Variants in ZC3H14 observed in about 807,000 individuals in gnomAD.
The protein encoded by ZC3H14 is zinc finger CCCH-type containing 14.
A neutral mutation model predicts 92.4 loss-of-function variants in ZC3H14; 31 were observed. That is an observed-to-expected ratio of 0.34 (90% CI 0.25 to 0.45). The LOEUF is 0.45. Among genes scored for constraint, ZC3H14 ranks in the 20% least tolerant of loss-of-function variants. The probability of loss-of-function intolerance (pLI) is 1.00; values close to 1 mark genes in which losing one functional copy is unlikely to be tolerated. For missense variants in ZC3H14, 781 were observed against 897.3 expected (o/e 0.87, Z 1.66); for synonymous variants, 321 against 300.9 (o/e 1.07, Z -0.69).
chr14:88,607,357 C>T lies in ZC3H14; in HGVS notation c.1862C>T (p.Pro621Leu), dbSNP rs1428912039. The T allele has an allele frequency of 1.5e-5, 24 of 1,610,034 alleles. No homozygotes were observed. In the Admixed American group the frequency reaches 3.8e-4, roughly 26 times the overall value. ...DECAYHHPIS[P>L]CKAFPNCKFA... ...TGTGCCTACCATCACCCCATCTCAC[C>T]CTGCAAGTGAGTACCATCCCCCCAT... is the stretch of plus-strand genomic sequence containing the variant. Residue 621 changes from proline to leucine, a missense_variant, in exon 13 of 17, where the codon CCC becomes CTC. Physicochemically the swap from Pro to Leu is moderately conservative, Grantham distance 98 (BLOSUM62 -3). Coordinates refer to ENST00000251038, the MANE Select transcript of ZC3H14 (RefSeq NM_024824.5).
Position 88,627,074 on chromosome 14 carries a change from GT to G in ZC3H14, c.*15325del. 1 of 1,606,388 alleles carries G rather than the reference GT, an allele frequency of 6.2e-7. No individual in the cohort carries two copies. The highest frequency in any genetic ancestry group is 8.5e-7 in the Non-Finnish European group (1 of 1,174,472). On this transcript the variant is annotated 3_prime_UTR_variant, in exon 17 of 17. Transcript: ENST00000251038. The stretch of plus-strand genomic sequence containing the variant: ...GACAAGATACAACAAAATTATCTAG[GT>G]TATTACAAGAACCAAGCTAATCAAC...
chr14:88,607,330 A>C lies in ZC3H14; in HGVS notation c.1835A>C (p.Glu612Ala). The change falls in exon 13 of 17, where the codon GAG (glutamate) becomes GCG (alanine). Residue 612 changes from glutamate to alanine, a missense_variant. This residue lies in a region of ZC3H14 where 221 missense variants were observed against 304.7 expected (regional missense o/e 0.73). Coordinates refer to ENST00000251038, the MANE Select transcript of ZC3H14 (RefSeq NM_024824.5). ...TGGCCTGCTTGTAAAAATGGGGATG[A>C]GTGTGCCTACCATCACCCCATCTCA... Reference protein sequence around the residue: ...KYWPACKNGDECAYHHPISPC... With the variant: ...KYWPACKNGDACAYHHPISPC... 3.7e-6 allele frequency: 6 copies of C among 1,613,842 alleles called. No homozygotes were observed. Among genetic ancestry groups the C allele is most frequent in the Non-Finnish European group, 5.1e-6 (6 of 1,179,884 alleles).
intron 2 of ZC3H14, among the ~76,000 whole-genome samples, chr14:88,565,911 G>A (rs903970523): frequency 1.3e-5 from 2 of 149,686 alleles, no homozygotes; most frequent in Non-Finnish European, 1.5e-5. Flanking sequence ...TCTGTGGTTC[G>A]GGCTGGAGTG....
intron 9 of ZC3H14, among the ~76,000 whole-genome samples, chr14:88,582,939 C>T (rs986406556): frequency 7.9e-5 from 12 of 151,992 alleles, no homozygotes; most frequent in Non-Finnish European, 1.5e-4. Flanking sequence ...TCTCTCATTT[C>T]TCTGGTGTCT....
chr14:88,567,674 TAAAAC>T (rs1411943912), intron 2 of ZC3H14, among the ~76,000 whole-genome samples: 1 of 152,174 alleles, frequency 6.6e-6, no homozygotes, highest in Admixed American at 6.5e-5. Flanking sequence ...CTTTGCAAAT[TAAAAC>T]TAAACAAAAC....
chr14:88,604,442 C>T (rs1056100131), intron 12 of ZC3H14, among the ~76,000 whole-genome samples: 1 of 152,084 alleles, frequency 6.6e-6, no homozygotes, highest in African/African-American at 2.4e-5. Flanking sequence ...CTCTGCACCA[C>T]TTCCCCTGTG....
At chr14:88,595,228 C>T (rs746095617) in intron 9 of ZC3H14, 1 of 1,520,638 alleles carries the variant, frequency 6.6e-7, no homozygotes, top group Non-Finnish European at 8.7e-7. Context: ...TTGAATTTTT[C>T]ATGGACCTTT....
At chr14:88,568,432 G>A (rs990986510) in intron 3 of ZC3H14, among the ~76,000 whole-genome samples, 2 of 152,222 alleles carry the variant, frequency 1.3e-5, no homozygotes, top group South Asian at 2.1e-4. Context: ...TTCACAAGTC[G>A]ACAGGAAAGA....
chr14:88,577,437 A>G (rs551299296), intron 8 of ZC3H14, among the ~76,000 whole-genome samples: 6 of 150,384 alleles, frequency 4.0e-5, no homozygotes, highest in Non-Finnish European at 9.0e-5. Context: ...TATTGTATTC[A>G]TGGTATGTGG....
Position 88,616,842 on chromosome 14 carries a change from G to A in ZC3H14, c.*5091G>A, listed in dbSNP as rs1203413499. The A allele has an allele frequency of 1.9e-6, 3 of 1,613,796 alleles. No individual in the cohort carries two copies. The highest frequency in any genetic ancestry group is 2.2e-5 in the South Asian group (2 of 91,076). ...CAGTTGACATCAGCTTTCTCAGCAT[G>A]TCTGGACCAGATTCCCAAAACCTCA... On this transcript the variant is annotated 3_prime_UTR_variant, in exon 17 of 17. Transcript: ENST00000251038.
chr14:88,598,293 G>A (rs2140012534), intron 10 of ZC3H14, among the ~76,000 whole-genome samples: 1 of 152,232 alleles, frequency 6.6e-6, no homozygotes, highest in East Asian at 1.9e-4. Flanking sequence ...CTGGTTTGTG[G>A]GCACCCTGAT....
At chr14:88,599,785 G>A (rs888254937) in intron 10 of ZC3H14, among the ~76,000 whole-genome samples, 2 of 152,050 alleles carry the variant, frequency 1.3e-5, no homozygotes, top group African/African-American at 2.4e-5. Flanking sequence ...GAACTCCTTC[G>A]TCTCAGAAAG....
At chr14:88,577,365 T>C (rs1295152958) in intron 8 of ZC3H14, among the ~76,000 whole-genome samples, 1 of 152,214 alleles carries the variant, frequency 6.6e-6, no homozygotes, top group Non-Finnish European at 1.5e-5. Context: ...GAAACTCATA[T>C]AAGATCATGA....
chr14:88,622,678 G>A lies in ZC3H14; in HGVS notation c.*10927G>A. 2 of 1,610,116 alleles carry A rather than the reference G, an allele frequency of 1.2e-6. No individual in the cohort carries two copies. Among genetic ancestry groups the A allele is most frequent in the Non-Finnish European group, 1.7e-6 (2 of 1,178,126 alleles). On this transcript the variant is annotated 3_prime_UTR_variant, in exon 17 of 17. Coordinates refer to ENST00000251038, the MANE Select transcript of ZC3H14 (RefSeq NM_024824.5). The stretch of plus-strand genomic sequence containing the variant: ...AGCCTGAAGGCACGGCACCGCCTCA[G>A]TTCCTGATCCCACAGTTTAACCGCT...
At position 88,618,469 on chromosome 14, in the gene ZC3H14, A is replaced by T. The variant is rs2088146553; in HGVS notation, c.*6718A>T. 9.2e-7 allele frequency: 1 copy of T among 1,088,812 alleles called. No individual in the cohort carries two copies. Among genetic ancestry groups the T allele is most frequent in the Admixed American group, 2.4e-5 (1 of 41,782 alleles). 67.4% of individuals were successfully genotyped at this position (1,088,812 alleles called of 1,614,324 possible). On this transcript the variant is annotated 3_prime_UTR_variant, in exon 17 of 17. Coordinates refer to ENST00000251038, the MANE Select transcript of ZC3H14 (RefSeq NM_024824.5). ...TAAGTATGCAAAAGATCACTACAAA[A>T]ACTTAATAGGAGAAAAGCTCTGATA...
chr14:88,579,618 C>T (rs942502395), intron 9 of ZC3H14, among the ~76,000 whole-genome samples: 2 of 152,068 alleles, frequency 1.3e-5, no homozygotes, highest in African/African-American at 4.8e-5. Flanking sequence ...GAGAGGAAAA[C>T]AATAGGAAAT....
At chr14:88,599,915 A>G (rs1008026854) in intron 10 of ZC3H14, among the ~76,000 whole-genome samples, 1 of 152,180 alleles carries the variant, frequency 6.6e-6, no homozygotes, top group Non-Finnish European at 1.5e-5. Context: ...CATCTGTAAC[A>G]TGGGAGGAAA....
At position 88,618,262 on chromosome 14, in the gene ZC3H14, C is replaced by T. The variant is rs370143623; in HGVS notation, c.*6511C>T. 20 of 1,613,548 alleles carry T rather than the reference C, an allele frequency of 1.2e-5. No individual in the cohort carries two copies. Among genetic ancestry groups the T allele is most frequent in the African/African-American group, 2.7e-5 (2 of 74,890 alleles). Reference sequence around the variant, plus strand: ...GTAGCCCAAGTAATTCTGTCAATAGCGGCATGATCCATAAGATGTTTTCCT... The same window carrying T: ...GTAGCCCAAGTAATTCTGTCAATAGTGGCATGATCCATAAGATGTTTTCCT... On this transcript the variant is annotated 3_prime_UTR_variant, in exon 17 of 17. Transcript: ENST00000251038.
intron 9 of ZC3H14, chr14:88,594,822 A>G (rs755818065): frequency 1.2e-6 from 2 of 1,614,136 alleles, no homozygotes; most frequent in Admixed American, 1.7e-5. Context: ...CCTCTTGTTC[A>G]CTGAATGAGC....
Sources: allele counts gnomAD v4.1 joint callset (sites outside exome capture counted in the v4.1 genomes callset), GRCh38; gene constraint gnomAD v4.1.1; regional missense constraint gnomAD v4.1.1; transcripts MANE v1.5; gene names NCBI Gene and HGNC (gene_info 2026-07-23, HGNC 2026-07-21).